Variants in FGF14 observed in about 807,000 individuals in gnomAD.
FGF14 encodes the protein fibroblast growth factor homologous factor 4.
Under a neutral mutation model 25.5 loss-of-function variants are expected in FGF14, and 5 were observed. The observed-to-expected ratio is 0.20, with a 90% CI of 0.10 to 0.41. The LOEUF is 0.41. FGF14 is among the 10% of genes least tolerant of loss of function. The probability of loss-of-function intolerance (pLI) is 1.00; values close to 1 mark genes in which losing one functional copy is unlikely to be tolerated. For synonymous variants in FGF14, 138 were observed against 118.3 expected (o/e 1.17, Z -1.08); for missense variants, 222 against 320.1 (o/e 0.69, Z 2.34).
intron 1 of FGF14, among the ~76,000 whole-genome samples, chr13:102,383,169 C>T (rs1045582012): frequency 4.8e-4 from 73 of 151,982 alleles, no homozygotes; most frequent in African/African-American, 1.7e-3. Context: ...TTAAGAAATG[C>T]AATTACAACT....
At chr13:102,054,653 T>G (rs1829906542) in intron 1 of FGF14, among the ~76,000 whole-genome samples, 1 of 152,198 alleles carries the variant, frequency 6.6e-6, no homozygotes, top group Non-Finnish European at 1.5e-5. Context: ...TACCAAGTAT[T>G]GCTACATCCT....
chr13:102,197,162 A>T (rs986169100), intron 1 of FGF14, among the ~76,000 whole-genome samples: 1 of 152,174 alleles, frequency 6.6e-6, no homozygotes, highest in Non-Finnish European at 1.5e-5. Context: ...AACCACATTT[A>T]GTTTTCCTAT....
chr13:102,106,678 C>A (rs537240134), intron 1 of FGF14, among the ~76,000 whole-genome samples: 1 of 151,886 alleles, frequency 6.6e-6, no homozygotes, highest in South Asian at 2.1e-4. Context: ...GCCTTTACCC[C>A]CAAAGGACAT....
chr13:101,818,288 T>C (rs1566937663), intron 3 of FGF14, among the ~76,000 whole-genome samples: 1 of 152,210 alleles, frequency 6.6e-6, no homozygotes, highest in Non-Finnish European at 1.5e-5. Flanking sequence ...ACTCAGAAAT[T>C]CTGATAAAGA....
At chr13:101,781,535 C>T (rs573605482) in intron 3 of FGF14, among the ~76,000 whole-genome samples, 37 of 152,234 alleles carry the variant, frequency 2.4e-4, no homozygotes, top group Non-Finnish European at 4.6e-4. Context: ...AGAGGGCTGA[C>T]GTAGTTCCTT....
chr13:101,949,301 G>A (rs979636895), intron 1 of FGF14, among the ~76,000 whole-genome samples: 2 of 152,028 alleles, frequency 1.3e-5, no homozygotes, highest in Non-Finnish European at 2.9e-5. Context: ...TTTCTAATGC[G>A]ATCACTGCCC....
At chr13:102,232,173 A>G (rs2051114305) in intron 1 of FGF14, among the ~76,000 whole-genome samples, 1 of 152,250 alleles carries the variant, frequency 6.6e-6, no homozygotes, top group South Asian at 2.1e-4. Context: ...TTACACATAC[A>G]TTGAACAAAC....
chr13:102,367,929 T>C (rs1780824701), intron 1 of FGF14: 1 of 152,146 alleles, frequency 6.6e-6, no homozygotes, highest in African/African-American at 2.4e-5. Context: ...CGTGCCTAAG[T>C]TCCGGGCTGA....
intron 1 of FGF14, among the ~76,000 whole-genome samples, chr13:101,978,983 A>G (rs1207370205): frequency 6.6e-6 from 1 of 152,222 alleles, no homozygotes; most frequent in Non-Finnish European, 1.5e-5. Context: ...GTAGTAGCCA[A>G]GAGAGCAGCC....
At chr13:101,833,330 T>C (rs1342424680) in intron 3 of FGF14, among the ~76,000 whole-genome samples, 1 of 152,100 alleles carries the variant, frequency 6.6e-6, no homozygotes, top group African/African-American at 2.4e-5. Context: ...CTCATTGCTC[T>C]TTTGTATGTG....
chr13:102,072,929 G>T (rs1290258717), intron 1 of FGF14, among the ~76,000 whole-genome samples: 1 of 152,160 alleles, frequency 6.6e-6, no homozygotes, highest in Non-Finnish European at 1.5e-5. Flanking sequence ...AAGAGTTCAT[G>T]CCCCACCTAA....
chr13:101,936,921 A>C (rs2035141554), intron 1 of FGF14, among the ~76,000 whole-genome samples: 2 of 152,326 alleles, frequency 1.3e-5, no homozygotes, highest in South Asian at 4.1e-4. Context: ...TAATTAGTGT[A>C]TAGAAGCAAA....
intron 1 of FGF14, among the ~76,000 whole-genome samples, chr13:102,037,828 C>G (rs563929148): frequency 6.6e-6 from 1 of 152,246 alleles, no homozygotes; most frequent in East Asian, 1.9e-4. Context: ...AGACACCATG[C>G]TTGCCCAATG....
chr13:102,357,333 C>T (rs1380016479), intron 1 of FGF14, among the ~76,000 whole-genome samples: 1 of 151,832 alleles, frequency 6.6e-6, no homozygotes, highest in Non-Finnish European at 1.5e-5. Flanking sequence ...GAAGTGGGGC[C>T]CAGAGGTCTC....
Position 101,713,112 on chromosome 13 carries a change from T to A in FGF14, c.*9719A>T, listed in dbSNP as rs990632197. ...CTGACTGCACTCTTACTTTGAGAAG[T>A]GTGTCAAGAAATGGCAAACATTTAA... On this transcript the variant is annotated 3_prime_UTR_variant, in exon 5 of 5. Transcript: ENST00000376143. 3 of 152,198 alleles carry A rather than the reference T, an allele frequency of 2.0e-5. No homozygotes were observed. The highest frequency in any genetic ancestry group is 7.2e-5 in the African/African-American group (3 of 41,458). The allele number at this position is 152,198 out of a possible 1,614,324, so 9.4% of individuals were successfully genotyped here. A position where few individuals can be genotyped will look rare whatever the true frequency, so the allele number is the denominator to read the frequency against.
chr13:102,149,196 T>C (rs1449017316), intron 1 of FGF14, among the ~76,000 whole-genome samples: 6 of 151,784 alleles, frequency 4.0e-5, no homozygotes, highest in Non-Finnish European at 7.4e-5. Context: ...AAAATAACTA[T>C]AATTGCTTTT....
intron 1 of FGF14, chr13:102,394,586 C>T (rs996418773): frequency 6.6e-5 from 10 of 152,262 alleles, no homozygotes; most frequent in African/African-American, 2.4e-4. Flanking sequence ...GCAACGGAAA[C>T]TTCCCGCGCT....
intron 1 of FGF14, among the ~76,000 whole-genome samples, chr13:101,925,435 C>G (rs985265228): frequency 2.0e-5 from 3 of 152,170 alleles, no homozygotes; most frequent in Non-Finnish European, 4.4e-5. Context: ...GTTCTGCAGG[C>G]TCTAATCTCT....
At chr13:101,816,269 C>CAAA (rs58615099) in intron 3 of FGF14, among the ~76,000 whole-genome samples, 9 of 89,048 alleles carry the variant, frequency 1.0e-4, no homozygotes, top group African/African-American at 4.0e-4. Flanking sequence ...GACTCCGTCT[C>CAAA]AAAAAAAAAA....
Sources: gnomAD v4.1 joint callset for allele counts (sites outside exome capture counted in the v4.1 genomes callset) on GRCh38, gnomAD v4.1.1 for gene constraint, MANE v1.5 for transcripts, NCBI Gene and HGNC (gene_info 2026-07-23, HGNC 2026-07-21) for gene names.